The following RABGAP1L variants were observed in gnomAD, a reference collection of about 807,000 sequenced individuals.
RABGAP1L encodes the protein RAB GTPase activating protein 1 like.
Under a neutral mutation model 137.7 loss-of-function variants are expected in RABGAP1L, and 63 were observed. That is an observed-to-expected ratio of 0.46 (90% CI 0.37 to 0.56). RABGAP1L has a LOEUF of 0.56. Among genes scored for constraint, RABGAP1L ranks in the 20% least tolerant of loss-of-function variants. The pLI is 0.00. For synonymous variants in RABGAP1L, 431 were observed against 433.7 expected (o/e 0.99, Z 0.08); for missense variants, 1,095 against 1,244.0 (o/e 0.88, Z 1.80).
chr1:174,868,469 G>A (rs969976080), intron 19 of RABGAP1L, among the ~76,000 whole-genome samples: 1 of 152,144 alleles, frequency 6.6e-6, no homozygotes, highest in African/African-American at 2.4e-5. Flanking sequence ...GAAGTGGTTT[G>A]TTGGTCAGTT....
chr1:174,398,598 C>T (rs1049335688), intron 13 of RABGAP1L, among the ~76,000 whole-genome samples: 3 of 152,144 alleles, frequency 2.0e-5, no homozygotes, highest in South Asian at 2.1e-4. Flanking sequence ...ATTTCTGAAC[C>T]CAGTCTATCA....
rs375601715 is a variant in RABGAP1L at position 174,632,672 on chromosome 1, C to T, written c.1711-4703C>T. 2.7e-4 allele frequency among the ~76,000 whole-genome samples: 40 copies of T among 149,738 alleles called. 1 individual carries two copies. In the East Asian group the frequency reaches 7.6e-3, roughly 28 times the overall value. ...CTTCCATCACTGATACCCTTTCTTC[C>T]AGTTGATCGCATCGGCTCCTGAGGC... On this transcript the variant is annotated intron_variant, in intron 13 of 25. Coordinates refer to ENST00000681986, the MANE Select transcript of RABGAP1L (RefSeq NM_001366446.1).
intron 19 of RABGAP1L, among the ~76,000 whole-genome samples, chr1:174,933,410 T>G (rs1664193154): frequency 6.6e-6 from 1 of 152,230 alleles, no homozygotes; most frequent in Admixed American, 6.5e-5. Flanking sequence ...AATGCCCTTA[T>G]TACGATGCTT....
At chr1:174,178,343 G>A (rs747969068) in intron 1 of RABGAP1L, among the ~76,000 whole-genome samples, 1 of 152,128 alleles carries the variant, frequency 6.6e-6, no homozygotes, top group Admixed American at 6.5e-5. Context: ...TGCCGAAGTT[G>A]CTTATCAGCT....
intron 13 of RABGAP1L, among the ~76,000 whole-genome samples, chr1:174,496,368 A>G (rs1660733465): frequency 6.6e-6 from 1 of 152,202 alleles, no homozygotes; most frequent in Admixed American, 6.5e-5. Flanking sequence ...TGATAGTAAT[A>G]GTGAAAACAG....
Position 174,899,405 on chromosome 1 carries a change from C to A in RABGAP1L, c.2341-58052C>A, listed in dbSNP as rs377111768. On this transcript the variant is annotated intron_variant, in intron 19 of 25. Transcript: ENST00000681986. Reference sequence around the variant, plus strand: ...ATGCAAAGGGCAGTGGAAAACTGTTCAAAAGATTTTAAGCAGGGCAGTCAT... The same window carrying A: ...ATGCAAAGGGCAGTGGAAAACTGTTAAAAAGATTTTAAGCAGGGCAGTCAT... Among the ~76,000 whole-genome samples the A allele has an allele frequency of 9.2e-5, 14 of 152,238 alleles. 1 individual carries two copies. Among genetic ancestry groups the A allele is most frequent in the African/African-American group, 2.9e-4 (12 of 41,546 alleles).
intron 19 of RABGAP1L, among the ~76,000 whole-genome samples, chr1:174,916,830 C>T (rs560844979): frequency 3.3e-5 from 5 of 152,258 alleles, no homozygotes; most frequent in South Asian, 4.1e-4. Context: ...AGCTGAAGGC[C>T]GTGTGCCCAA....
chr1:174,388,114 C>T (rs973897957), intron 12 of RABGAP1L, among the ~76,000 whole-genome samples: 1 of 151,978 alleles, frequency 6.6e-6, no homozygotes, highest in Non-Finnish European at 1.5e-5. Context: ...GTAGGTAAAG[C>T]ACCTGTCATG....
chr1:174,678,470 CAA>C (rs146060051), intron 14 of RABGAP1L, among the ~76,000 whole-genome samples: 1 of 143,486 alleles, frequency 7.0e-6, no homozygotes, highest in African/African-American at 2.6e-5. Flanking sequence ...CAAAACAAAA[CAA>C]AAAAAAAAGA....
chr1:174,227,937 G>C (rs1255291450), intron 3 of RABGAP1L, among the ~76,000 whole-genome samples: 1 of 149,146 alleles, frequency 6.7e-6, no homozygotes, highest in South Asian at 2.1e-4. Context: ...TTAACTTCTC[G>C]TGCTCTTCAG....
chr1:174,418,411 T>A (rs1016609137), intron 13 of RABGAP1L, among the ~76,000 whole-genome samples: 1 of 152,228 alleles, frequency 6.6e-6, no homozygotes, highest in Non-Finnish European at 1.5e-5. Flanking sequence ...GTGTCTTAAG[T>A]CACTGGATAA....
At chr1:174,489,164 C>T (rs141587031) in intron 13 of RABGAP1L, among the ~76,000 whole-genome samples, 11,866 of 151,892 alleles carry the variant, frequency 0.078, 648 homozygotes, top group East Asian at 0.32. Flanking sequence ...CAACAAAAGC[C>T]AAAATAGACA....
chr1:174,614,480 A>G (rs1033956424), intron 13 of RABGAP1L, among the ~76,000 whole-genome samples: 1 of 152,112 alleles, frequency 6.6e-6, no homozygotes, highest in Non-Finnish European at 1.5e-5. Flanking sequence ...TTTGTGGGTA[A>G]CCCAACCTTC....
intron 19 of RABGAP1L, among the ~76,000 whole-genome samples, chr1:174,870,974 C>T (rs1415748453): frequency 3.3e-5 from 5 of 152,018 alleles, no homozygotes; most frequent in African/African-American, 1.2e-4. Context: ...CTCCTGACCT[C>T]GTGATCCACC....
At chr1:174,561,855 C>A (rs888139910) in intron 13 of RABGAP1L, among the ~76,000 whole-genome samples, 1 of 152,124 alleles carries the variant, frequency 6.6e-6, no homozygotes. Context: ...AAAATTAACT[C>A]ATGATGGATT....
At chr1:174,801,088 T>C (rs890472687) in intron 18 of RABGAP1L, among the ~76,000 whole-genome samples, 5 of 152,244 alleles carry the variant, frequency 3.3e-5, no homozygotes, top group African/African-American at 9.6e-5. Flanking sequence ...GAAGTCTGAC[T>C]TGCTTGTTAT....
chr1:174,449,231 C>T (rs1005150887), intron 13 of RABGAP1L: 4 of 1,513,098 alleles, frequency 2.6e-6, no homozygotes, highest in Non-Finnish European at 3.5e-6. Flanking sequence ...TGTAATCTGA[C>T]AGTGGTTTTG....
In RABGAP1L at chr1:174,968,519, T is replaced by TTTTG. The variant is rs1156549319; in HGVS notation, c.2434-742_2434-739dup. ...GACTTGGTTTTTTTTTTTTCTTTCTTTTTGTTTGTTTGTTTGTTTCGTTTT... is the reference window on the plus strand; with the variant it reads ...GACTTGGTTTTTTTTTTTTCTTTCTTTTTGTTTGTTTGTTTGTTTGTTTCGTTTT... On this transcript the variant is annotated intron_variant, in intron 20 of 25. Coordinates refer to ENST00000681986, the MANE Select transcript of RABGAP1L (RefSeq NM_001366446.1). Among the ~76,000 whole-genome samples the TTTTG allele has an allele frequency of 3.4e-3, 515 of 152,130 alleles. 3 individuals are homozygous for TTTTG. Among genetic ancestry groups the TTTTG allele is most frequent in the African/African-American group, 0.012 (481 of 41,504 alleles).
At chr1:174,459,038 TAA>T (rs1250241733) in intron 13 of RABGAP1L, among the ~76,000 whole-genome samples, 1 of 152,146 alleles carries the variant, frequency 6.6e-6, no homozygotes, top group Non-Finnish European at 1.5e-5. Context: ...TGGTAATATA[TAA>T]GTTAGAAAAT....
Sources: allele counts gnomAD v4.1 joint callset (sites outside exome capture counted in the v4.1 genomes callset), GRCh38; gene constraint gnomAD v4.1.1; transcripts MANE v1.5; gene names NCBI Gene and HGNC (gene_info 2026-07-23, HGNC 2026-07-21).